ACADSB: variants seen among roughly 807,000 people sequenced by gnomAD.
The protein encoded by ACADSB is short/branched chain specific acyl-CoA dehydrogenase, mitochondrial.
Under a neutral mutation model 54.1 loss-of-function variants are expected in ACADSB, and 40 were observed. The observed-to-expected ratio is 0.74, with a 90% confidence interval of 0.57 to 0.96. The LOEUF is 0.96. ACADSB is among the 40% of genes least tolerant of loss of function. The probability of loss-of-function intolerance (pLI) is 0.00; values close to 1 mark genes in which losing one functional copy is unlikely to be tolerated. For missense variants in ACADSB, 530 were observed against 510.4 expected, an observed-to-expected ratio of 1.04 and a Z score of -0.37; for synonymous variants, 182 against 182.8, an observed-to-expected ratio of 1.00 and a Z score of 0.03.
intron 3 of ACADSB, among the ~76,000 whole-genome samples, chr10:123,038,503 A>G (rs888568355): frequency 6.6e-6 from 1 of 152,192 alleles, no homozygotes; most frequent in African/African-American, 2.4e-5. Flanking sequence ...GGGAGGGGCT[A>G]TTAGCATAGG....
chr10:123,013,158 C>T (rs186533276), intron 1 of ACADSB, among the ~76,000 whole-genome samples: 36 of 149,686 alleles, frequency 2.4e-4, no homozygotes, highest in African/African-American at 8.0e-4. Flanking sequence ...TACAGAGTAC[C>T]GATTGGTGCA....
At chr10:123,037,134 G>T (rs1427948845) in intron 2 of ACADSB, among the ~76,000 whole-genome samples, 1 of 152,212 alleles carries the variant, frequency 6.6e-6, no homozygotes, top group Non-Finnish European at 1.5e-5. Flanking sequence ...GCAGCTAGTG[G>T]GGCCGTGGCC....
intron 1 of ACADSB, among the ~76,000 whole-genome samples, chr10:123,025,083 G>A (rs1850233491): frequency 6.6e-6 from 1 of 152,076 alleles, no homozygotes; most frequent in Admixed American, 6.6e-5. Flanking sequence ...GCGACAGAGT[G>A]AGACTGTCAT....
At chr10:123,035,939 A>C (rs998394620) in intron 2 of ACADSB, among the ~76,000 whole-genome samples, 6 of 152,186 alleles carry the variant, frequency 3.9e-5, no homozygotes, top group African/African-American at 1.2e-4. Context: ...TCCATGTTTT[A>C]AGTTCAGCTG....
intron 8 of ACADSB, among the ~76,000 whole-genome samples, chr10:123,050,348 G>A (rs1171633716): frequency 6.6e-6 from 1 of 152,196 alleles, no homozygotes; most frequent in Admixed American, 6.5e-5. Flanking sequence ...TGTCACTCAG[G>A]GCGGTGCCTG....
intron 1 of ACADSB, chr10:123,027,650 G>A (rs1163679624): frequency 2.5e-6 from 1 of 401,738 alleles, no homozygotes; most frequent in Non-Finnish European, 5.0e-6. Flanking sequence ...TATCCACAGT[G>A]TGAAAATGGA....
chr10:123,057,867 G>A lies in ACADSB; in HGVS notation c.*4102G>A, dbSNP rs1044507522. 3 of 152,162 alleles carry A rather than the reference G, an allele frequency of 2.0e-5. No homozygotes were observed. The highest frequency in any genetic ancestry group is 2.9e-5 in the Non-Finnish European group (2 of 68,030). 9.4% of individuals were successfully genotyped at this position (152,162 alleles called of 1,614,324 possible). A position where few individuals can be genotyped will look rare whatever the true frequency, so the allele number is the denominator to read the frequency against. ...GGACAAGAATTAGTCCCCAAATTCA[G>A]TGTTCTTCCTAGTATTAAACATTGC... On this transcript the variant is annotated 3_prime_UTR_variant, in exon 11 of 11. Transcript: ENST00000358776.
intron 8 of ACADSB, among the ~76,000 whole-genome samples, chr10:123,050,229 T>G (rs1850611154): frequency 6.6e-6 from 1 of 152,236 alleles, no homozygotes. Flanking sequence ...TGTCTTAATA[T>G]TCATCACACA....
intron 1 of ACADSB, among the ~76,000 whole-genome samples, chr10:123,030,011 CCT>C (rs1259836140): frequency 6.6e-6 from 1 of 152,140 alleles, no homozygotes; most frequent in Non-Finnish European, 1.5e-5. Flanking sequence ...CTGTGTGAAA[CCT>C]CTTTTATAAG....
intron 1 of ACADSB, among the ~76,000 whole-genome samples, chr10:123,020,073 A>G (rs1038154926): frequency 6.6e-6 from 1 of 152,206 alleles, no homozygotes; most frequent in Non-Finnish European, 1.5e-5. Context: ...ACAGATTAAC[A>G]GTAGTAAAAG....
At chr10:123,032,930 G>A (rs999064034) in intron 1 of ACADSB, among the ~76,000 whole-genome samples, 11 of 151,666 alleles carry the variant, frequency 7.3e-5, no homozygotes, top group Non-Finnish European at 1.2e-4. Flanking sequence ...TTCTTTCTTC[G>A]TGCCAGCTGC....
In ACADSB at chr10:123,009,026, G is replaced by T; in HGVS notation, c.-4G>T. 1 of 1,548,040 alleles carries T rather than the reference G, an allele frequency of 6.5e-7. No individual in the cohort carries two copies. Reference sequence around the variant, plus strand: ...GGCGCAGAGCGGAGAGGCCTGCGGCGAGGATGGAGGGCCTGGCAGTGCGGT... The same window carrying T: ...GGCGCAGAGCGGAGAGGCCTGCGGCTAGGATGGAGGGCCTGGCAGTGCGGT... On this transcript the variant is annotated 5_prime_UTR_variant, in exon 1 of 11. Coordinates refer to ENST00000358776, the MANE Select transcript of ACADSB (RefSeq NM_001609.4).
chr10:123,041,448 C>T, intron 5 of ACADSB, 69 bp downstream of exon 5: 1 of 1,517,518 alleles, frequency 6.6e-7, no homozygotes, highest in South Asian at 1.1e-5. Flanking sequence ...TCTTTTCCTC[C>T]TTCTGTTTCC....
rs1850420159 is a variant in ACADSB at position 123,037,834 on chromosome 10, T to TAC, written c.291_292insCA (p.Phe98HisfsTer6). 1 of 1,588,858 alleles carries TAC rather than the reference T, an allele frequency of 6.3e-7. No homozygotes were observed. Among genetic ancestry groups the TAC allele is most frequent in the South Asian group, 1.1e-5 (1 of 90,516 alleles). ...ATGGAGAAATCAGTAATACAAGGAT[T>TAC]ATTTCAACAAGGGGTACATTTCATA... On this transcript the variant is annotated frameshift_variant, in exon 3 of 11. Transcript: ENST00000358776. LOFTEE classifies it high-confidence loss of function.
At chr10:123,049,350 C>G (rs1444357482) in intron 8 of ACADSB, among the ~76,000 whole-genome samples, 1 of 152,136 alleles carries the variant, frequency 6.6e-6, no homozygotes, top group Non-Finnish European at 1.5e-5. Flanking sequence ...GTTCTCCATG[C>G]CAGGCCTTGT....
intron 5 of ACADSB, among the ~76,000 whole-genome samples, chr10:123,041,644 A>T (rs1850475299): frequency 6.6e-6 from 1 of 152,230 alleles, no homozygotes; most frequent in South Asian, 2.1e-4. Flanking sequence ...TTAAAAAAAA[A>T]TTCTGCAAAG....
At chr10:123,030,953 C>T (rs1468804783) in intron 1 of ACADSB, among the ~76,000 whole-genome samples, 1 of 152,090 alleles carries the variant, frequency 6.6e-6, no homozygotes, top group African/African-American at 2.4e-5. Flanking sequence ...CTATTTTTTT[C>T]CCCAAAGACG....
chr10:123,037,895 G>A, intron 3 of ACADSB, 48 bp downstream of exon 3: 2 of 1,341,268 alleles, frequency 1.5e-6, no homozygotes, highest in Non-Finnish European at 2.1e-6. Flanking sequence ...ATTAAATTCA[G>A]GGACTGTAAT....
In ACADSB at chr10:123,051,085, C is replaced by G; in HGVS notation, c.1027C>G (p.Leu343Val). The G allele has an allele frequency of 6.2e-7, 1 of 1,610,102 alleles. No individual in the cohort carries two copies. Among genetic ancestry groups the G allele is most frequent in the African/African-American group, 1.4e-5 (1 of 74,046 alleles). Residue 343 changes from leucine to valine, a missense_variant, in exon 9 of 11, where the codon CTG (leucine) becomes GTG (valine). Coordinates refer to ENST00000358776, the MANE Select transcript of ACADSB (RefSeq NM_001609.4). ...QHQVAHVATQ[L>V]EAARLLTYNA... is the part of the protein sequence containing the mutation. The stretch of plus-strand genomic sequence containing the variant: ...CCAAGTGGCTCACGTGGCCACCCAG[C>G]TGGAAGCTGCAAGATTACTAACATA...
Sources: allele counts gnomAD v4.1 joint callset (sites outside exome capture counted in the v4.1 genomes callset), GRCh38; gene constraint gnomAD v4.1.1; transcripts MANE v1.5; gene names NCBI Gene and HGNC (gene_info 2026-07-23, HGNC 2026-07-21).